Variants in CEACAM18 observed in about 807,000 individuals in gnomAD.
CEACAM18 encodes the protein CEA cell adhesion molecule 18.
A neutral mutation model predicts 34.3 loss-of-function variants in CEACAM18; 33 were observed. The observed-to-expected ratio is 0.96, with a 90% CI of 0.73 to 1.29. The LOEUF is 1.29. CEACAM18 is among the 50% of genes most tolerant of loss of function. The pLI, the probability that CEACAM18 is intolerant of heterozygous loss-of-function variation, is 0.00. For synonymous variants in CEACAM18, 169 were observed against 180.9 expected, an observed-to-expected ratio of 0.93 and a Z score of 0.53; for missense variants, 474 against 485.0, an observed-to-expected ratio of 0.98 and a Z score of 0.21.
chr19:51,488,474 T>C (rs1216968476), intron 5 of CEACAM18, among the ~76,000 whole-genome samples: 1 of 152,234 alleles, frequency 6.6e-6, no homozygotes, highest in Non-Finnish European at 1.5e-5. Flanking sequence ...TGGTCAATGT[T>C]GTAGGCTCCT....
exon 2 of CEACAM18, chr19:51,480,560 G>C: frequency 6.2e-7 from 1 of 1,614,046 alleles, no homozygotes; most frequent in Non-Finnish European, 8.5e-7. Context: ...CAGGGAGAGA[G>C]TGAACAGAGA....
At chr19:51,481,334 G>A in intron 2 of CEACAM18, 59 bp from the exon 3 acceptor site, 8 of 1,063,542 alleles carry the variant, frequency 7.5e-6, no homozygotes, top group South Asian at 3.8e-5. Flanking sequence ...CTGGAGAGGA[G>A]CAGAGCTTGG....
In CEACAM18 at chr19:51,483,286, GC is replaced by G; in HGVS notation, c.949del (p.His317MetfsTer53). ...CATGTACATGGACGTCAGGATCCAGGCCCCCCATGAGTGCAGCAGCTCCCCT... is the reference window on the plus strand; with the variant it reads ...CATGTACATGGACGTCAGGATCCAGGCCCCCATGAGTGCAGCAGCTCCCCT... On this transcript the variant is annotated frameshift_variant, in exon 4 of 6. Coordinates refer to ENST00000396477, the Ensembl canonical transcript of CEACAM18. LOFTEE classifies it high-confidence loss of function. 1 of 1,613,848 alleles carries G rather than the reference GC, an allele frequency of 6.2e-7. No homozygotes were observed. The highest frequency in any genetic ancestry group is 1.7e-5 in the Admixed American group (1 of 60,022).
intron 5 of CEACAM18, among the ~76,000 whole-genome samples, 187 bp downstream of exon 5, chr19:51,485,309 T>C (rs1159155286): frequency 6.6e-6 from 1 of 151,974 alleles, no homozygotes; most frequent in Non-Finnish European, 1.5e-5. Flanking sequence ...CAAGAGAGGG[T>C]TTAGAGTCGG....
Position 51,480,627 on chromosome 19 carries a change from G to T in CEACAM18, c.347G>T (p.Arg116Leu), listed in dbSNP as rs900532883. ...AATGACACGGGAAACTACACTGTTC[G>T]GGTGGTTGCAGGCAATGAGACCCAA... is the stretch of plus-strand genomic sequence containing the variant. Residue 116 changes from arginine (R) to leucine (L), a missense_variant, in exon 2 of 6, where the codon CGG becomes CTG. Physicochemically the swap from Arg to Leu is moderately radical, Grantham distance 102. Transcript: ENST00000396477. 5 of 1,613,824 alleles carry T rather than the reference G, an allele frequency of 3.1e-6. No homozygotes were observed. The African/African-American group carries it at 5.3e-5, about 17-fold the overall frequency.
intron 2 of CEACAM18, 95 bp downstream of exon 2, chr19:51,480,775 T>G: frequency 1.7e-6 from 2 of 1,176,968 alleles, no homozygotes; most frequent in Non-Finnish European, 2.4e-6. Context: ...ACACCGGGAG[T>G]GGAAATCACG....
chr19:51,487,014 G>A (rs564686468), intron 5 of CEACAM18, among the ~76,000 whole-genome samples: 53 of 151,748 alleles, frequency 3.5e-4, no homozygotes, highest in Non-Finnish European at 5.7e-4. Flanking sequence ...AAGCCACCGC[G>A]CCTGGCCTTA....
Position 51,487,262 on chromosome 19 carries a change from C to G in CEACAM18, c.1089+2140C>G, listed in dbSNP as rs185740712. ...GGCTGAGGCAAGCAGATTACTTGAG[C>G]CCAGGAGTTCAAGACCAGCCTGGGC... On this transcript the variant is annotated intron_variant, in intron 5 of 5. Transcript: ENST00000396477. Among the ~76,000 whole-genome samples the G allele has an allele frequency of 7.4e-3, 1,124 of 152,170 alleles. 14 individuals carry two copies. Among genetic ancestry groups the G allele is most frequent in the African/African-American group, 0.026 (1,089 of 41,518 alleles).
intron 5 of CEACAM18, among the ~76,000 whole-genome samples, chr19:51,489,706 G>T (rs1568526404): frequency 6.6e-6 from 1 of 152,134 alleles, no homozygotes; most frequent in Non-Finnish European, 1.5e-5. Flanking sequence ...TGTGTAAAAT[G>T]GAACTAACAC....
intron 4 of CEACAM18, among the ~76,000 whole-genome samples, chr19:51,484,633 G>C (rs1281982894): frequency 1.0e-5 from 1 of 99,700 alleles, no homozygotes; most frequent in African/African-American, 3.2e-5. Context: ...CATAGTTGGT[G>C]CTCAGTGAAC....
chr19:51,489,412 T>C (rs1990053463), intron 5 of CEACAM18, among the ~76,000 whole-genome samples: 1 of 151,848 alleles, frequency 6.6e-6, no homozygotes, highest in Admixed American at 6.6e-5. Flanking sequence ...CTGGAGTTAC[T>C]CATATTTTAA....
At chr19:51,478,936 ACACACG>A (rs199973262) in intron 1 of CEACAM18, among the ~76,000 whole-genome samples, 1 of 145,830 alleles carries the variant, frequency 6.9e-6, no homozygotes, top group Admixed American at 6.8e-5. Context: ...GGTGTTACAC[ACACACG>A]CACACGCACA....
exon 2 of CEACAM18, chr19:51,480,478 C>G (rs958291255): frequency 6.2e-7 from 1 of 1,613,822 alleles, no homozygotes. Flanking sequence ...GGGGTGCAAA[C>G]GACAGCGCAG....
At chr19:51,482,930 G>A (rs929080291) in intron 3 of CEACAM18, 87 bp from the exon 4 acceptor site, 5 of 1,519,838 alleles carry the variant, frequency 3.3e-6, no homozygotes, top group Non-Finnish European at 3.6e-6. Flanking sequence ...TGCACAATGG[G>A]GAACCTCCTG....
At position 51,481,522 on chromosome 19, in the gene CEACAM18, G is replaced by T. The variant is rs760457201; in HGVS notation, c.530G>T (p.Ser177Ile). The change falls in exon 3 of 6, where the codon AGT (serine) becomes ATT (isoleucine). Residue 177 changes from serine to isoleucine, a missense_variant. Physicochemically the swap from Ser to Ile is moderately radical, Grantham distance 142. Coordinates refer to ENST00000396477, the Ensembl canonical transcript of CEACAM18. The stretch of plus-strand genomic sequence containing the variant: ...TATGTGAATGATGTGCCTACCTCTA[G>T]TAGTGACCGGATGACAATTTCCCCA... The T allele has an allele frequency of 1.9e-6, 3 of 1,613,992 alleles. No individual in the cohort carries two copies. The East Asian group carries it at 6.7e-5, about 36-fold the overall frequency.
Position 51,481,676 on chromosome 19 carries a change from TG to T in CEACAM18, c.673+14del. On this transcript the variant is annotated intron_variant, in intron 3 of 5. Coordinates refer to ENST00000396477, the Ensembl canonical transcript of CEACAM18. ...CTCTGACTGTGGCCTGTGAGTGGTC[TG>T]GGCTCCTGGGACTGAAGCCAGGGCT... 1.9e-6 allele frequency: 3 copies of T among 1,605,454 alleles called. No homozygotes were observed. The highest frequency in any genetic ancestry group is 2.6e-6 in the Non-Finnish European group (3 of 1,174,062).
intron 4 of CEACAM18, among the ~76,000 whole-genome samples, chr19:51,483,819 TTGGCA>T (rs1177277661): frequency 6.6e-6 from 1 of 152,214 alleles, no homozygotes; most frequent in Non-Finnish European, 1.5e-5. Context: ...GAGTAGAGAT[TTGGCA>T]TGGCCATGGC....
intron 1 of CEACAM18, among the ~76,000 whole-genome samples, chr19:51,480,112 G>A (rs768460848): frequency 2.1e-4 from 32 of 152,138 alleles, no homozygotes; most frequent in Non-Finnish European, 4.3e-4. Flanking sequence ...GGCTAGCGAG[G>A]AGGGCCTGGG....
chr19:51,480,534 G>C (rs776095231), exon 2 of CEACAM18: 26 of 1,613,846 alleles, frequency 1.6e-5, no homozygotes, highest in East Asian at 1.3e-4. Flanking sequence ...CAGCAGCCTG[G>C]GCCCATGTAC....
Sources: gnomAD v4.1 joint callset for allele counts (sites outside exome capture counted in the v4.1 genomes callset) on GRCh38, gnomAD v4.1.1 for gene constraint, MANE v1.5 for transcripts, NCBI Gene and HGNC (gene_info 2026-07-23, HGNC 2026-07-21) for gene names.